The following BTAF1 variants were observed in gnomAD, a reference collection of about 807,000 sequenced individuals.
BTAF1 encodes TATA-binding protein-associated factor 172.
A neutral mutation model predicts 227.1 loss-of-function variants in BTAF1; 38 were observed. The observed-to-expected ratio is 0.17, with a 90% CI of 0.13 to 0.22. BTAF1 has a LOEUF of 0.22. Ranked by LOEUF, BTAF1 falls within the 10% of genes least tolerant of loss-of-function variation. The pLI, the probability that BTAF1 is intolerant of heterozygous loss-of-function variation, is 1.00. For missense variants in BTAF1, 1,598 were observed against 2,204.0 expected (o/e 0.73, Z 5.51); for synonymous variants, 742 against 751.9 (o/e 0.99, Z 0.21).
At chr10:91,944,082 C>T (rs749606101) in intron 4 of BTAF1, among the ~76,000 whole-genome samples, 4 of 151,474 alleles carry the variant, frequency 2.6e-5, no homozygotes, top group South Asian at 2.1e-4. Flanking sequence ...ACCCGGGAGG[C>T]GGAGGTTGCA....
In BTAF1 at chr10:91,993,752, T is replaced by C; in HGVS notation, c.3104T>C (p.Val1035Ala). 6.2e-7 allele frequency: 1 copy of C among 1,603,976 alleles called. No individual in the cohort carries two copies. Among genetic ancestry groups the C allele is most frequent in the Non-Finnish European group, 8.5e-7 (1 of 1,173,854 alleles). ...GCTGAATTTGCTTTGACAACTATAGTAAAGCATTTTGGTGGTGAAATGGCA... is the reference window on the plus strand; with the variant it reads ...GCTGAATTTGCTTTGACAACTATAGCAAAGCATTTTGGTGGTGAAATGGCA... ...RGAEFALTTI[V>A]KHFGGEMAVK... The change falls in exon 22 of 38, where the codon GTA (valine) becomes GCA (alanine). Residue 1035 changes from valine (V) to alanine (A), a missense_variant. Val to Ala is a moderately conservative substitution (Grantham distance 64). Coordinates refer to ENST00000265990, the MANE Select transcript of BTAF1 (RefSeq NM_003972.3).
intron 4 of BTAF1, among the ~76,000 whole-genome samples, chr10:91,944,857 A>C (rs1845252326): frequency 6.6e-6 from 1 of 152,212 alleles, no homozygotes; most frequent in African/African-American, 2.4e-5. Context: ...CTGCATATAC[A>C]GTTGTGGTCC....
At chr10:91,959,435 T>C (rs935403093) in intron 9 of BTAF1, among the ~76,000 whole-genome samples, 4 of 152,074 alleles carry the variant, frequency 2.6e-5, no homozygotes, top group Non-Finnish European at 4.4e-5. Context: ...AGAACAACCT[T>C]AAGTAATTAG....
At chr10:91,953,327 C>G (rs888830603) in intron 5 of BTAF1, among the ~76,000 whole-genome samples, 1 of 152,146 alleles carries the variant, frequency 6.6e-6, no homozygotes, top group Non-Finnish European at 1.5e-5. Context: ...GGACCAATCA[C>G]TTAAGGCTAT....
intron 14 of BTAF1, among the ~76,000 whole-genome samples, chr10:91,969,958 CT>C (rs1847176181): frequency 7.6e-6 from 1 of 130,766 alleles, no homozygotes; most frequent in Non-Finnish European, 1.7e-5. Flanking sequence ...AAGACCCTGT[CT>C]CAGAAAAAAA....
chr10:91,999,239 A>T (rs910383222), intron 25 of BTAF1, among the ~76,000 whole-genome samples: 5 of 152,114 alleles, frequency 3.3e-5, no homozygotes, highest in African/African-American at 1.2e-4. Flanking sequence ...AAGTAACTGT[A>T]TCATTTGACA....
chr10:91,963,951 C>T lies in BTAF1; in HGVS notation c.1405-126C>T, dbSNP rs879774926. The T allele has an allele frequency of 3.2e-5, 32 of 1,001,534 alleles. No homozygotes were observed. The Admixed American group carries it at 7.4e-4, about 23-fold the overall frequency. 62.0% of individuals were successfully genotyped at this position (1,001,534 alleles called of 1,614,324 possible). ...CCTCCTTAACTTTACTCAAAATTGA[C>T]ACCGTCCAAGGTCATTGGAATTGCA... On this transcript the variant is annotated intron_variant, in intron 12 of 37. Coordinates refer to ENST00000265990, the MANE Select transcript of BTAF1 (RefSeq NM_003972.3).
rs190876052 is a variant in BTAF1, at chr10:91,937,572, G to A, written c.138+1792G>A. Among the ~76,000 whole-genome samples, 405 of 152,098 alleles carry A rather than the reference G, an allele frequency of 2.7e-3. 3 individuals are homozygous for A. Among genetic ancestry groups the A allele is most frequent in the Admixed American group, 4.9e-3 (75 of 15,276 alleles). On this transcript the variant is annotated intron_variant, in intron 2 of 37. Coordinates refer to ENST00000265990, the MANE Select transcript of BTAF1 (RefSeq NM_003972.3). The stretch of plus-strand genomic sequence containing the variant: ...AAATGAATTGTAATCTATTGTGATC[G>A]ATTTCTTTTGCTCAAAATAATGTTT...
chr10:91,962,667 C>A lies in BTAF1; in HGVS notation c.1393C>A (p.Gln465Lys). 6.3e-7 allele frequency: 1 copy of A among 1,592,598 alleles called. No individual in the cohort carries two copies. The highest frequency in any genetic ancestry group is 8.5e-7 in the Non-Finnish European group (1 of 1,172,302). The change falls in exon 12 of 38, where the codon CAG becomes AAG. Residue 465 changes from glutamine to lysine, a missense_variant. Around this residue, in one of 10 missense-constraint regions of BTAF1, gnomAD observed 318 missense variants for 435.0 expected, o/e 0.73. Coordinates refer to ENST00000265990, the MANE Select transcript of BTAF1 (RefSeq NM_003972.3). ...VPVVESLVYL[Q>K]TQKVPFIINT... ...TGTAGTAGAAAGCCTTGTCTATCTT[C>A]AGACACAAAAGGTAAATTAAATATT...
chr10:92,001,010 C>G (rs1849490066), intron 25 of BTAF1, among the ~76,000 whole-genome samples: 1 of 152,142 alleles, frequency 6.6e-6, no homozygotes, highest in Admixed American at 6.5e-5. Flanking sequence ...GAAAAACAGG[C>G]AACAGATTTA....
intron 14 of BTAF1, among the ~76,000 whole-genome samples, chr10:91,976,599 G>T (rs1847712123): frequency 1.3e-5 from 2 of 152,178 alleles, no homozygotes; most frequent in South Asian, 4.1e-4. Flanking sequence ...GGTTTTAGGA[G>T]CTCTGTGCCA....
rs1213416358 is a variant in BTAF1, at chr10:91,966,687, A to G, written c.1580A>G (p.His527Arg). Reference sequence around the variant, plus strand: ...GTTCCACGTGTCTGGCCTTTTTTGCATCACACTATATCATCAGTTCGAAGA... The same window carrying G: ...GTTCCACGTGTCTGGCCTTTTTTGCGTCACACTATATCATCAGTTCGAAGA... ...VLVPRVWPFL[H>R]HTISSVRRAA... Residue 527 changes from histidine to arginine, a missense_variant, in exon 14 of 38, where the codon CAT (histidine) becomes CGT (arginine). By Grantham distance (29) the His-to-Arg change is conservative. Coordinates refer to ENST00000265990, the MANE Select transcript of BTAF1 (RefSeq NM_003972.3). 1.2e-6 allele frequency: 2 copies of G among 1,613,910 alleles called. No homozygotes were observed. Among genetic ancestry groups the G allele is most frequent in the African/African-American group, 1.3e-5 (1 of 75,036 alleles).
Position 92,024,746 on chromosome 10 carries a change from T to TTTTTTTTTC in BTAF1, c.4864-10_4864-9insTTTTTTTTC. The TTTTTTTTTC allele has an allele frequency of 1.3e-6, 2 of 1,576,494 alleles. No individual in the cohort carries two copies. On this transcript the variant is annotated splice_polypyrimidine_tract_variant and intron_variant, in intron 34 of 37. Coordinates refer to ENST00000265990, the MANE Select transcript of BTAF1 (RefSeq NM_003972.3). The stretch of plus-strand genomic sequence containing the variant: ...ACGCTTATGTAGTTTTTTTTTTTTT[T>TTTTTTTTTC]CTTCCTAAGTTGCTGTTGGACTGCG...
At chr10:91,957,392 C>A in intron 8 of BTAF1, 99 bp downstream of exon 8, 1 of 919,928 alleles carries the variant, frequency 1.1e-6, no homozygotes, top group Non-Finnish European at 1.6e-6. Flanking sequence ...CCCTATTCTT[C>A]TCTGTTTGTC....
intron 23 of BTAF1, among the ~76,000 whole-genome samples, chr10:91,995,137 A>G (rs926824510): frequency 3.9e-5 from 6 of 152,156 alleles, no homozygotes; most frequent in African/African-American, 1.4e-4. Context: ...ATTAGGACAG[A>G]GGGAGGAGGA....
intron 2 of BTAF1, 70 bp downstream of exon 2, chr10:91,935,850 A>G: frequency 7.6e-7 from 1 of 1,316,354 alleles, no homozygotes; most frequent in Non-Finnish European, 1.0e-6. Context: ...GAACACAAAA[A>G]TAAAGGTAAA....
intron 1 of BTAF1, 64 bp downstream of exon 1, chr10:91,924,154 A>G (rs754027030): frequency 5.9e-5 from 94 of 1,582,668 alleles, no homozygotes; most frequent in Admixed American, 1.2e-4. Context: ...CTCCTCTTAG[A>G]GCCCCCACTC....
chr10:91,982,887 T>G (rs1848164225), intron 18 of BTAF1, 126 bp downstream of exon 18: 1 of 1,021,572 alleles, frequency 9.8e-7, no homozygotes, highest in Admixed American at 3.0e-5. Context: ...TACAGAAAAG[T>G]GTCCAAATTA....
chr10:91,926,832 T>C (rs1367285834), intron 1 of BTAF1, among the ~76,000 whole-genome samples: 6 of 152,228 alleles, frequency 3.9e-5, no homozygotes, highest in Admixed American at 3.3e-4. Flanking sequence ...ATTTACTGAT[T>C]TGAAGATTTG....
Sources: allele counts gnomAD v4.1 joint callset (sites outside exome capture counted in the v4.1 genomes callset), GRCh38; gene constraint gnomAD v4.1.1; regional missense constraint gnomAD v4.1.1; transcripts MANE v1.5; gene names NCBI Gene and HGNC (gene_info 2026-07-23, HGNC 2026-07-21).